The following GRIA4 variants were observed in gnomAD, a reference collection of about 807,000 sequenced individuals.
The protein encoded by GRIA4 is glutamate ionotropic receptor AMPA type subunit 4.
A neutral mutation model predicts 104.0 loss-of-function variants in GRIA4; 34 were observed. That is an observed-to-expected ratio of 0.33 (90% CI 0.25 to 0.44). The LOEUF (loss-of-function observed/expected upper bound fraction) is 0.44, where lower values mean the gene tolerates loss of function less well. Among genes scored for constraint, GRIA4 ranks in the 20% least tolerant of loss-of-function variants. GRIA4 has a pLI of 1.00. For missense variants in GRIA4, 750 were observed against 1,096.5 expected (o/e 0.68, Z 4.46); for synonymous variants, 386 against 381.9 (o/e 1.01, Z -0.13).
intron 3 of GRIA4, among the ~76,000 whole-genome samples, chr11:105,666,954 A>G (rs1285160761): frequency 6.6e-6 from 1 of 151,946 alleles, no homozygotes; most frequent in Admixed American, 6.6e-5. Flanking sequence ...CATACTCTCA[A>G]GATCACTCAG....
intron 3 of GRIA4, among the ~76,000 whole-genome samples, chr11:105,750,824 T>C (rs1939954262): frequency 6.6e-6 from 1 of 151,902 alleles, no homozygotes; most frequent in South Asian, 2.1e-4. Flanking sequence ...TTTGTGAGGG[T>C]GGAAGGGAAG....
At chr11:105,899,398 T>C (rs1166465804) in intron 7 of GRIA4, among the ~76,000 whole-genome samples, 5 of 152,216 alleles carry the variant, frequency 3.3e-5, no homozygotes, top group African/African-American at 1.2e-4. Context: ...GATTTGTTAG[T>C]TGGCTGTCCT....
intron 6 of GRIA4, among the ~76,000 whole-genome samples, chr11:105,889,820 G>T (rs949726741): frequency 1.3e-5 from 2 of 152,178 alleles, no homozygotes; most frequent in African/African-American, 4.8e-5. Flanking sequence ...CCACAGGGTT[G>T]CAGAATGCAA....
chr11:105,639,875 C>T (rs934190102), intron 3 of GRIA4, among the ~76,000 whole-genome samples: 1 of 151,924 alleles, frequency 6.6e-6, no homozygotes, highest in African/African-American at 2.4e-5. Flanking sequence ...AAACACTACA[C>T]TTTTCACAGC....
intron 6 of GRIA4, among the ~76,000 whole-genome samples, chr11:105,891,180 T>C (rs942515728): frequency 3.9e-5 from 6 of 152,166 alleles, no homozygotes; most frequent in African/African-American, 1.4e-4. Flanking sequence ...TATGATGATA[T>C]CGTTTGCTTA....
intron 4 of GRIA4, among the ~76,000 whole-genome samples, chr11:105,846,259 T>C (rs1419248715): frequency 2.0e-5 from 3 of 152,172 alleles, no homozygotes; most frequent in Non-Finnish European, 4.4e-5. Context: ...CAAATTCATT[T>C]TCAAATTGCT....
intron 4 of GRIA4, among the ~76,000 whole-genome samples, chr11:105,754,993 T>C (rs1940216854): frequency 1.3e-5 from 2 of 152,206 alleles, no homozygotes; most frequent in Admixed American, 1.3e-4. Context: ...GTTTTGTTTC[T>C]TGTTAGCATT....
At chr11:105,949,305 T>C (rs1295953191) in intron 14 of GRIA4, among the ~76,000 whole-genome samples, 1 of 152,222 alleles carries the variant, frequency 6.6e-6, no homozygotes, top group Non-Finnish European at 1.5e-5. Context: ...GTTGCCTTAG[T>C]TGAAGGATTC....
At chr11:105,639,608 A>G (rs1039709135) in intron 3 of GRIA4, among the ~76,000 whole-genome samples, 2 of 152,044 alleles carry the variant, frequency 1.3e-5, no homozygotes, top group Non-Finnish European at 2.9e-5. Flanking sequence ...TTAATTTACA[A>G]TGATGTTGCT....
Position 105,817,531 on chromosome 11 carries a change from T to A in GRIA4, c.488-44493T>A, listed in dbSNP as rs1280504423. 2.0e-5 allele frequency among the ~76,000 whole-genome samples: 3 copies of A among 151,874 alleles called. No homozygotes were observed. In the East Asian group the frequency reaches 5.8e-4, roughly 29 times the overall value. ...ATTCCTTTACAACTAGAGCAAGATG[T>A]GTCAGGTGTATCATACATTTCCAAA... On this transcript the variant is annotated intron_variant, in intron 4 of 16. Transcript: ENST00000282499.
At chr11:105,900,609 CAG>C (rs141962367) in intron 7 of GRIA4, among the ~76,000 whole-genome samples, 13,080 of 152,022 alleles carry the variant, frequency 0.086, 763 homozygotes, top group Admixed American at 0.18. Context: ...TTTTTTGAGA[CAG>C]AGTCTCTCTC....
chr11:105,728,974 G>A (rs1938405057), intron 3 of GRIA4, among the ~76,000 whole-genome samples: 1 of 152,068 alleles, frequency 6.6e-6, no homozygotes, highest in African/African-American at 2.4e-5. Context: ...AAATTCAAAA[G>A]CTAGCAGAAG....
rs1470464745 is a variant in GRIA4, at chr11:105,905,259, C to T, written c.1116C>T (p.Tyr372=). Reference sequence around the variant, plus strand: ...ACCACTATGGACGTAGAGTCAATTACACAATGGATGTGTTTGAGCTGAAAA... The same window carrying T: ...ACCACTATGGACGTAGAGTCAATTATACAATGGATGTGTTTGAGCTGAAAA... ...QFDHYGRRVN[Y]TMDVFELKST... The change falls in exon 9 of 17, where the codon TAC becomes TAT. Residue 372 remains tyrosine, a synonymous_variant. Transcript: ENST00000282499. 1.2e-6 allele frequency: 2 copies of T among 1,607,598 alleles called. No homozygotes were observed. Among genetic ancestry groups the T allele is most frequent in the East Asian group, 2.2e-5 (1 of 44,836 alleles).
At chr11:105,773,135 T>A (rs1410011387) in intron 4 of GRIA4, among the ~76,000 whole-genome samples, 5 of 152,248 alleles carry the variant, frequency 3.3e-5, no homozygotes, top group African/African-American at 7.2e-5. Flanking sequence ...ATTCTTTTTT[T>A]AAAAAATTAT....
intron 3 of GRIA4, among the ~76,000 whole-genome samples, chr11:105,734,054 G>A (rs1021286822): frequency 1.1e-3 from 167 of 145,314 alleles, no homozygotes; most frequent in African/African-American, 4.0e-3. Context: ...TATAATATAT[G>A]TATATTATAT....
intron 3 of GRIA4, chr11:105,614,548 C>T (rs967910430): frequency 6.6e-6 from 1 of 151,618 alleles, no homozygotes. Context: ...AAAATTGACA[C>T]GAGTAAACTT....
chr11:105,831,323 A>C (rs560842974), intron 4 of GRIA4, among the ~76,000 whole-genome samples: 1 of 152,142 alleles, frequency 6.6e-6, no homozygotes, highest in East Asian at 1.9e-4. Context: ...GCAAGCACTT[A>C]GCAAATCTTC....
At chr11:105,661,964 G>T (rs1952023746) in intron 3 of GRIA4, among the ~76,000 whole-genome samples, 1 of 150,788 alleles carries the variant, frequency 6.6e-6, no homozygotes, top group Non-Finnish European at 1.5e-5. Flanking sequence ...TGCAAAGTTG[G>T]ATTAATAAGA....
chr11:105,632,963 G>A (rs568924146), intron 3 of GRIA4, among the ~76,000 whole-genome samples: 1 of 152,256 alleles, frequency 6.6e-6, no homozygotes, highest in East Asian at 1.9e-4. Context: ...GAGAAAAGGG[G>A]TCTTGAGAAT....
Sources: gnomAD v4.1 joint callset for allele counts (sites outside exome capture counted in the v4.1 genomes callset) on GRCh38, gnomAD v4.1.1 for gene constraint, MANE v1.5 for transcripts, NCBI Gene and HGNC (gene_info 2026-07-23, HGNC 2026-07-21) for gene names.